FBXO27: variants seen among roughly 807,000 people sequenced by gnomAD.
FBXO27 encodes F-box protein 27.
FBXO27 carries 28 observed loss-of-function variants against 28.3 expected under a neutral mutation model. The observed-to-expected ratio is 0.99, with a 90% confidence interval of 0.73 to 1.36. The LOEUF (loss-of-function observed/expected upper bound fraction) is 1.36, where lower values mean the gene tolerates loss of function less well. Ranked by LOEUF, FBXO27 falls within the 40% of genes most tolerant of loss-of-function variation. FBXO27 has a pLI of 0.00. For missense variants in FBXO27, 388 were observed against 394.1 expected (o/e 0.98, Z 0.13); for synonymous variants, 175 against 167.3 (o/e 1.05, Z -0.36).
chr19:39,029,324 G>A (rs1314952574), intron 4 of FBXO27, among the ~76,000 whole-genome samples: 1 of 151,572 alleles, frequency 6.6e-6, no homozygotes, highest in Non-Finnish European at 1.5e-5. Context: ...CTACTCGGGA[G>A]GCTGAGGCAG....
intron 2 of FBXO27, among the ~76,000 whole-genome samples, chr19:39,012,835 C>T (rs1429185694): frequency 6.6e-6 from 1 of 151,856 alleles, no homozygotes; most frequent in Non-Finnish European, 1.5e-5. Context: ...AGGCGCGGGC[C>T]TGTAGTCCTA....
intron 1 of FBXO27, among the ~76,000 whole-genome samples, chr19:39,017,893 T>G (rs76758260): frequency 6.6e-6 from 1 of 152,038 alleles, no homozygotes; most frequent in Non-Finnish European, 1.5e-5. Context: ...GAAACTCCCA[T>G]GGATCCCAAA....
chr19:39,009,782 A>G (rs1206341049), intron 2 of FBXO27, among the ~76,000 whole-genome samples: 2 of 151,890 alleles, frequency 1.3e-5, no homozygotes, highest in Non-Finnish European at 2.9e-5. Context: ...CTGATGCACA[A>G]AAGTTGTGGG....
At chr19:39,030,331 C>G (rs1397292508) in intron 4 of FBXO27, 1 of 152,342 alleles carries the variant, frequency 6.6e-6, no homozygotes, top group African/African-American at 2.4e-5. Flanking sequence ...CAGAGGTATG[C>G]TGTGACTTGC....
At chr19:39,010,595 C>G (rs770168100) in intron 2 of FBXO27, among the ~76,000 whole-genome samples, 1 of 152,192 alleles carries the variant, frequency 6.6e-6, no homozygotes, top group Non-Finnish European at 1.5e-5. Flanking sequence ...TCATCAGTTG[C>G]CATGTCAGTT....
chr19:39,018,722 G>A (rs1344360763), intron 1 of FBXO27, among the ~76,000 whole-genome samples: 7 of 152,276 alleles, frequency 4.6e-5, no homozygotes, highest in African/African-American at 1.2e-4. Context: ...TCACAGTTAT[G>A]CCGGCAAGCA....
intron 2 of FBXO27, among the ~76,000 whole-genome samples, chr19:39,010,583 G>T (rs2072789923): frequency 6.6e-6 from 1 of 152,120 alleles, no homozygotes; most frequent in Non-Finnish European, 1.5e-5. Flanking sequence ...CGTAAGACAC[G>T]CTCATCAGTT....
chr19:39,016,240 G>A (rs1281002081), intron 1 of FBXO27, among the ~76,000 whole-genome samples: 1 of 152,128 alleles, frequency 6.6e-6, no homozygotes, highest in Non-Finnish European at 1.5e-5. Context: ...TCCAGAGAAT[G>A]CACGACACCA....
rs1249127334 is a variant in FBXO27, at chr19:39,029,042, T to TAA, written c.572+1985_572+1986dup. ...GGGTAAAAGAGCAAGACTCTGTCTC[T>TAA]AAAAAAAAAAAAAAAAAAAAAAATC... is the stretch of plus-strand genomic sequence containing the variant. On this transcript the variant is annotated intron_variant, in intron 4 of 5. Transcript: ENST00000292853. 3.4e-3 allele frequency among the ~76,000 whole-genome samples: 316 copies of TAA among 91,872 alleles called. 3 individuals are homozygous for TAA. Among genetic ancestry groups the TAA allele is most frequent in the African/African-American group, 0.011 (266 of 23,526 alleles). 60.3% of individuals were successfully genotyped at this position (91,872 alleles called of 152,430 possible).
chr19:39,029,445 A>AAG (rs2072890660), intron 4 of FBXO27, among the ~76,000 whole-genome samples: 1 of 150,070 alleles, frequency 6.7e-6, no homozygotes, highest in African/African-American at 2.4e-5. Context: ...AAAAAAAAAA[A>AAG]GTGAATTTGC....
In FBXO27 at chr19:39,032,240, A is replaced by C; in HGVS notation, c.-13T>G. The C allele has an allele frequency of 3.5e-6, 5 of 1,425,112 alleles. No individual in the cohort carries two copies. The highest frequency in any genetic ancestry group is 3.0e-5 in the East Asian group (1 of 33,426). 88.3% of individuals were successfully genotyped at this position (1,425,112 alleles called of 1,614,324 possible). A position where few individuals can be genotyped will look rare whatever the true frequency, so the allele number is the denominator to read the frequency against. ...CCGAGGCGCCCATGGTCCCCCCGCC[A>C]GGCCCGGCTGTGGCTGCGGGAGAGG... On this transcript the variant is annotated 5_prime_UTR_variant, in exon 2 of 6. Coordinates refer to ENST00000292853, the MANE Select transcript of FBXO27 (RefSeq NM_178820.5). The surrounding 1 kb of genome is among the most constrained non-coding windows in gnomAD (Gnocchi z 4.7).
chr19:39,025,813 G>C lies in FBXO27; in HGVS notation c.709-259C>G, dbSNP rs761560056. 1.9e-4 allele frequency among the ~76,000 whole-genome samples: 29 copies of C among 152,036 alleles called. 1 individual carries two copies. The highest frequency in any genetic ancestry group is 7.0e-4 in the African/African-American group (29 of 41,394). ...GTGGATTGCTTGAGGCCAGGAGTTC[G>C]AGACCAGTCTGGCCAACACGGTGAA... is the stretch of plus-strand genomic sequence containing the variant. On this transcript the variant is annotated intron_variant, in intron 5 of 5. Transcript: ENST00000292853.
At chr19:39,028,580 T>C (rs1032706057) in intron 4 of FBXO27, among the ~76,000 whole-genome samples, 1 of 150,802 alleles carries the variant, frequency 6.6e-6, no homozygotes. Flanking sequence ...ACAGAAAATA[T>C]GGCTGGGCAT....
At chr19:39,028,297 T>C (rs2072884020) in intron 4 of FBXO27, among the ~76,000 whole-genome samples, 1 of 152,118 alleles carries the variant, frequency 6.6e-6, no homozygotes, top group Non-Finnish European at 1.5e-5. Context: ...TTAATGGGTA[T>C]GAATGGTGCC....
At chr19:39,029,967 G>A (rs2072893235) in intron 4 of FBXO27, among the ~76,000 whole-genome samples, 1 of 152,070 alleles carries the variant, frequency 6.6e-6, no homozygotes, top group Non-Finnish European at 1.5e-5. Flanking sequence ...TCAGCCTCCT[G>A]AGTAGCTGGG....
chr19:39,006,295 C>T (rs1975733879), intron 2 of FBXO27, among the ~76,000 whole-genome samples: 1 of 152,052 alleles, frequency 6.6e-6, no homozygotes, highest in South Asian at 2.1e-4. Flanking sequence ...AGGTGGCCTA[C>T]TCCTGTAATC....
Position 39,031,999 on chromosome 19 carries a change from C to A in FBXO27, c.229G>T (p.Ala77Ser). Residue 77 changes from alanine to serine, a missense_variant, in exon 2 of 6, where the codon GCC becomes TCC. Coordinates refer to ENST00000292853, the MANE Select transcript of FBXO27 (RefSeq NM_178820.5). ...AGGTGCAGCAGCGCGCGGCCGGTGG[C>A]GCCGTGGTCGCGGGCCAGGATCAGC... is the stretch of plus-strand genomic sequence containing the variant. ...WLLILARDHGATGRALLHLAR... is the reference protein window; with the variant it reads ...WLLILARDHGSTGRALLHLAR... 1 of 1,513,624 alleles carries A rather than the reference C, an allele frequency of 6.6e-7. No individual in the cohort carries two copies. The highest frequency in any genetic ancestry group is 2.2e-5 in the Admixed American group (1 of 44,582). The allele number at this position is 1,513,624 out of a possible 1,614,324, so 93.8% of individuals were successfully genotyped here. A position where few individuals can be genotyped will look rare whatever the true frequency, so the allele number is the denominator to read the frequency against.
downstream of FBXO27, among the ~76,000 whole-genome samples, chr19:39,022,644 A>T (rs1299501776): frequency 6.6e-6 from 1 of 151,242 alleles, no homozygotes; most frequent in African/African-American, 2.4e-5. Context: ...TTTTTGAGAC[A>T]AAGTCTCTGT....
At chr19:39,006,336 T>A (rs927126612) in intron 2 of FBXO27, among the ~76,000 whole-genome samples, 4 of 152,092 alleles carry the variant, frequency 2.6e-5, no homozygotes, top group African/African-American at 9.7e-5. Flanking sequence ...GGTAGGTGGA[T>A]CACCTGAGGT....
Sources: gnomAD v4.1 joint callset for allele counts (sites outside exome capture counted in the v4.1 genomes callset) on GRCh38, gnomAD v4.1.1 for gene constraint, Gnocchi (gnomAD v3.1) non-coding constraint, MANE v1.5 for transcripts, NCBI Gene and HGNC (gene_info 2026-07-23, HGNC 2026-07-21) for gene names.